Variants in KIAA1755 observed in about 807,000 individuals in gnomAD.
KIAA1755 encodes KIAA1755.
KIAA1755 carries 68 observed loss-of-function variants against 91.7 expected under a neutral mutation model. The ratio of observed to expected loss-of-function variants is 0.74; its 90% CI spans 0.61 to 0.91. The LOEUF (loss-of-function observed/expected upper bound fraction) is 0.91. Ranked by LOEUF, KIAA1755 falls within the 40% of genes least tolerant of loss-of-function variation. The pLI is 0.00. For synonymous variants in KIAA1755, 610 were observed against 604.6 expected, an observed-to-expected ratio of 1.01 and a Z score of -0.13; for missense variants, 1,535 against 1,494.4, an observed-to-expected ratio of 1.03 and a Z score of -0.45.
chr20:38,252,520 A>C (rs539850573), intron 1 of KIAA1755, among the ~76,000 whole-genome samples: 13 of 152,326 alleles, frequency 8.5e-5, no homozygotes, highest in Non-Finnish European at 1.8e-4. Flanking sequence ...AGACAGAGCC[A>C]GGATCCAATC....
At chr20:38,218,930 G>A (rs1317264143) in intron 11 of KIAA1755, among the ~76,000 whole-genome samples, 1 of 152,088 alleles carries the variant, frequency 6.6e-6, no homozygotes, top group African/African-American at 2.4e-5. Flanking sequence ...GTATATAATG[G>A]CTCTCAACCC....
At chr20:38,242,112 G>C (rs1167565636) in intron 2 of KIAA1755, among the ~76,000 whole-genome samples, 183 bp from the exon 3 acceptor site, 2 of 152,194 alleles carry the variant, frequency 1.3e-5, no homozygotes, top group African/African-American at 4.8e-5. Context: ...CCCTCGTCCT[G>C]GCCCTGACCT....
rs2075679525 is a variant in KIAA1755 at position 38,222,566 on chromosome 20, T to A, written c.2300A>T (p.Glu767Val). 1 of 1,613,168 alleles carries A rather than the reference T, an allele frequency of 6.2e-7. No homozygotes were observed. The highest frequency in any genetic ancestry group is 8.5e-7 in the Non-Finnish European group (1 of 1,179,976). The change falls in exon 10 of 14, where the codon GAG becomes GTG. Residue 767 changes from glutamate to valine, a missense_variant. Transcript: ENST00000279024. ...GTCCCTCAGCACAGCCTCCATCAGC[T>A]CCTTGGACTTGCTCAGGCACCTGGT... ...EATRCLSKSK[E>V]LMEAVLRDPG...
intron 7 of KIAA1755, among the ~76,000 whole-genome samples, chr20:38,226,197 TG>T (rs1166875156): frequency 2.0e-5 from 3 of 152,198 alleles, no homozygotes; most frequent in Admixed American, 2.0e-4. Flanking sequence ...GTTTCCTTCT[TG>T]GGGCTGGTGA....
At chr20:38,259,907 C>T (rs908970494) in intron 1 of KIAA1755, among the ~76,000 whole-genome samples, 18 of 151,698 alleles carry the variant, frequency 1.2e-4, no homozygotes, top group Non-Finnish European at 2.5e-4. Flanking sequence ...AAAGTCCCTT[C>T]CTCTTCCCTC....
chr20:38,260,690 G>A lies in KIAA1755; in HGVS notation c.-190C>T. The A allele has an allele frequency of 5.5e-6, 3 of 549,448 alleles. No homozygotes were observed. The highest frequency in any genetic ancestry group is 8.4e-6 in the Non-Finnish European group (3 of 355,120). 34.0% of individuals were successfully genotyped at this position (549,448 alleles called of 1,614,324 possible). ...GCCGGGGAGGACAGGGAGAGAGACT[G>A]AGAGAGAGACAGAGAGGGACTGAGG... On this transcript the variant is annotated 5_prime_UTR_variant, in exon 1 of 14. The change creates a premature stop within an existing upstream ORF in the 5' untranslated region. Coordinates refer to ENST00000279024, the MANE Select transcript of KIAA1755 (RefSeq NM_001029864.2).
In KIAA1755 at chr20:38,255,441, C is replaced by G. The variant is rs78612580; in HGVS notation, c.3+5057G>C. Among the ~76,000 whole-genome samples the G allele has an allele frequency of 7.9e-5, 12 of 152,248 alleles. No individual in the cohort carries two copies. In the East Asian group the frequency reaches 1.9e-3, roughly 24 times the overall value. On this transcript the variant is annotated intron_variant, in intron 1 of 13. Transcript: ENST00000279024. The stretch of plus-strand genomic sequence containing the variant: ...AGCTGAGTGTTGCTTTGGCCCAGCA[C>G]CACCTGATCTACTGATTTTTCAGTA...
intron 1 of KIAA1755, among the ~76,000 whole-genome samples, chr20:38,251,843 G>A (rs1164849839): frequency 6.6e-6 from 1 of 152,140 alleles, no homozygotes; most frequent in Non-Finnish European, 1.5e-5. Flanking sequence ...TGAGATTACA[G>A]GCATGAGACA....
intron 8 of KIAA1755, among the ~76,000 whole-genome samples, chr20:38,224,501 C>A (rs969832653): frequency 7.2e-5 from 11 of 152,224 alleles, no homozygotes; most frequent in Non-Finnish European, 1.5e-5. Context: ...CCATGTTACA[C>A]TGTTAGTATA....
chr20:38,218,384 G>T lies in KIAA1755; in HGVS notation c.2557-18C>A. ...TCGCTGACCTGGGGCAGGAGAGGCA[G>T]ATTTGGACATGAGGGGCTGCTAGGA... is the stretch of plus-strand genomic sequence containing the variant. On this transcript the variant is annotated intron_variant, in intron 11 of 13. Transcript: ENST00000279024. The T allele has an allele frequency of 6.2e-7, 1 of 1,613,794 alleles. No homozygotes were observed. The highest frequency in any genetic ancestry group is 8.5e-7 in the Non-Finnish European group (1 of 1,179,906).
At chr20:38,217,613 A>C (rs916827230) in intron 12 of KIAA1755, 139 bp from the exon 13 acceptor site, 14 of 622,386 alleles carry the variant, frequency 2.2e-5, no homozygotes, top group Middle Eastern at 4.3e-4. Context: ...TAGAATGGGG[A>C]CCCTAATAGC....
chr20:38,231,093 A>C, intron 5 of KIAA1755, 109 bp downstream of exon 5: 1 of 1,226,412 alleles, frequency 8.2e-7, no homozygotes. Flanking sequence ...CTGTGAACAG[A>C]CGACTGGATG....
Position 38,222,518 on chromosome 20 carries a change from C to CGGA in KIAA1755, c.2347_2348insTCC (p.Gln782_Arg783insLeu). ...CCTGGCCAGGGTGGCTCCACCTTCC[C>CGGA]GCTGGAGGCCCAGTAGGCCGGGGTC... On this transcript the variant is annotated inframe_insertion, in exon 10 of 14. Transcript: ENST00000279024. 1.2e-6 allele frequency: 2 copies of CGGA among 1,613,758 alleles called. No homozygotes were observed. Among genetic ancestry groups the CGGA allele is most frequent in the Non-Finnish European group, 1.7e-6 (2 of 1,179,972 alleles).
At position 38,240,612 on chromosome 20, in the gene KIAA1755, T is replaced by A. The variant is rs1412664908; in HGVS notation, c.1519A>T (p.Lys507Ter). 1 of 1,503,536 alleles carries A rather than the reference T, an allele frequency of 6.7e-7. No individual in the cohort carries two copies. Among genetic ancestry groups the A allele is most frequent in the Non-Finnish European group, 8.9e-7 (1 of 1,126,794 alleles). The allele number at this position is 1,503,536 out of a possible 1,614,324, so 93.1% of individuals were successfully genotyped here. ...CCCAAAGATTTGGCTCGGTTGGGTTTAGGAGAGTAGAGGGAACACAGGACT... is the reference window on the plus strand; with the variant it reads ...CCCAAAGATTTGGCTCGGTTGGGTTAAGGAGAGTAGAGGGAACACAGGACT... The part of the protein sequence containing the change: ...WKVLCSLYSP[K>*]PNRAKSLGKA... The change falls in exon 3 of 14, where the codon AAA becomes TAA. Residue 507 changes from lysine (K) to a stop codon, truncating the protein, a stop_gained. Transcript: ENST00000279024. LOFTEE classifies it high-confidence loss of function.
chr20:38,231,036 G>T lies in KIAA1755; in HGVS notation c.1871+166C>A, dbSNP rs148166101. 2.2e-3 allele frequency among the ~76,000 whole-genome samples: 340 copies of T among 152,288 alleles called. 4 individuals carry two copies. In the East Asian group the frequency reaches 0.043, roughly 19 times the overall value. ...AGCCTGACAACCCCCCGATGGCAGG[G>T]ACTGAGGCTGTTTTGCTTTCCCCCG... On this transcript the variant is annotated intron_variant, in intron 5 of 13. Coordinates refer to ENST00000279024, the MANE Select transcript of KIAA1755 (RefSeq NM_001029864.2).
chr20:38,220,297 CT>C (rs35575614), intron 10 of KIAA1755, among the ~76,000 whole-genome samples: 610 of 134,392 alleles, frequency 4.5e-3, no homozygotes, highest in South Asian at 0.022. Flanking sequence ...TGATGTTTCC[CT>C]TTTTTTTTTT....
intron 4 of KIAA1755, among the ~76,000 whole-genome samples, chr20:38,234,445 C>A (rs778754714): frequency 1.4e-4 from 22 of 152,206 alleles, no homozygotes; most frequent in Non-Finnish European, 2.6e-4. Context: ...TGCACTGGGT[C>A]AAACTCATTG....
intron 11 of KIAA1755, among the ~76,000 whole-genome samples, chr20:38,218,976 A>C (rs1194945313): frequency 6.6e-6 from 1 of 152,178 alleles, no homozygotes; most frequent in Non-Finnish European, 1.5e-5. Context: ...GGGGCATCTT[A>C]AAGAGCCTAT....
At position 38,213,341 on chromosome 20, in the gene KIAA1755, G is replaced by A; in HGVS notation, c.3304C>T (p.His1102Tyr). 6.2e-7 allele frequency: 1 copy of A among 1,611,938 alleles called. No individual in the cohort carries two copies. Among genetic ancestry groups the A allele is most frequent in the Non-Finnish European group, 8.5e-7 (1 of 1,178,930 alleles). ...QPPLDSLGMDHLPKSYWPPGP... is the reference protein window; with the variant it reads ...QPPLDSLGMDYLPKSYWPPGP... ...GGAGGCCAATAGGACTTTGGCAAAT[G>A]GTCCATGCCCAGTGAGTCTAGTGGA... Residue 1102 changes from histidine (H) to tyrosine (Y), a missense_variant, in exon 14 of 14, where the codon CAT becomes TAT. Coordinates refer to ENST00000279024, the MANE Select transcript of KIAA1755 (RefSeq NM_001029864.2).
Sources: allele counts gnomAD v4.1 joint callset (sites outside exome capture counted in the v4.1 genomes callset), GRCh38; gene constraint gnomAD v4.1.1; transcripts MANE v1.5; gene names NCBI Gene and HGNC (gene_info 2026-07-23, HGNC 2026-07-21).